The following FGF14 variants were observed in gnomAD, a reference collection of about 807,000 sequenced individuals.
FGF14 encodes the protein fibroblast growth factor 14, also known as fibroblast growth factor homologous factor 4.
Under a neutral mutation model 25.5 loss-of-function variants are expected in FGF14, and 5 were observed. The ratio of observed to expected loss-of-function variants is 0.20; its 90% CI spans 0.10 to 0.41. The LOEUF is 0.41. Among genes scored for constraint, FGF14 ranks in the 10% least tolerant of loss-of-function variants. The pLI is 1.00. For missense variants in FGF14, 222 were observed against 320.1 expected, an observed-to-expected ratio of 0.69 and a Z score of 2.34; for synonymous variants, 138 against 118.3, an observed-to-expected ratio of 1.17 and a Z score of -1.08.
At chr13:102,302,630 C>T (rs1245323815) in intron 1 of FGF14, among the ~76,000 whole-genome samples, 1 of 152,162 alleles carries the variant, frequency 6.6e-6, no homozygotes, top group Non-Finnish European at 1.5e-5. Flanking sequence ...TGAACCCAGA[C>T]ATTTGCTCCC....
chr13:101,965,948 T>C (rs1042910701), intron 1 of FGF14, among the ~76,000 whole-genome samples: 2 of 152,138 alleles, frequency 1.3e-5, no homozygotes, highest in Admixed American at 1.3e-4. Flanking sequence ...TTATAAGAAG[T>C]CAGCCAGATG....
intron 1 of FGF14, among the ~76,000 whole-genome samples, chr13:101,926,819 C>A (rs1347491623): frequency 6.6e-6 from 1 of 152,082 alleles, no homozygotes; most frequent in African/African-American, 2.4e-5. Flanking sequence ...TTGGTCTTTC[C>A]TTTTAGAAAT....
At chr13:102,025,628 T>G (rs1244680645) in intron 1 of FGF14, among the ~76,000 whole-genome samples, 1 of 151,978 alleles carries the variant, frequency 6.6e-6, no homozygotes, top group Non-Finnish European at 1.5e-5. Context: ...AGGCTGGTCT[T>G]GAACTTCTGA....
chr13:102,237,716 G>GA, intron 1 of FGF14, among the ~76,000 whole-genome samples: 1 of 152,092 alleles, frequency 6.6e-6, no homozygotes, highest in Non-Finnish European at 1.5e-5. Context: ...GCCTTTCAAG[G>GA]AAAAATATGT....
At chr13:101,873,095 T>A (rs1289590790) in intron 2 of FGF14, among the ~76,000 whole-genome samples, 1 of 152,054 alleles carries the variant, frequency 6.6e-6, no homozygotes, top group Non-Finnish European at 1.5e-5. Context: ...AGCTTTCCAG[T>A]TTAGTCTTTA....
chr13:102,326,672 A>AGGGAAGGGAAGGGAG (rs2056438877), intron 1 of FGF14, among the ~76,000 whole-genome samples: 1 of 60,250 alleles, frequency 1.7e-5, no homozygotes, highest in Admixed American at 2.0e-4. Context: ...AGGGAGGGGA[A>AGGGAAGGGAAGGGAG]GGGAAGGGAA....
At chr13:102,365,418 G>C (rs1261853914) in intron 1 of FGF14, among the ~76,000 whole-genome samples, 1 of 152,086 alleles carries the variant, frequency 6.6e-6, no homozygotes, top group Non-Finnish European at 1.5e-5. Context: ...AGAATTCTTT[G>C]AGCCGGTTTC....
At chr13:101,844,348 C>T (rs935532185) in intron 3 of FGF14, among the ~76,000 whole-genome samples, 16 of 152,020 alleles carry the variant, frequency 1.1e-4, no homozygotes, top group African/African-American at 3.9e-4. Context: ...AGACACCATT[C>T]CTTGAAACTG....
chr13:101,960,777 T>C (rs1211222038), intron 1 of FGF14, among the ~76,000 whole-genome samples: 1 of 152,192 alleles, frequency 6.6e-6, no homozygotes, highest in Non-Finnish European at 1.5e-5. Flanking sequence ...CACTGTCTTC[T>C]ACAATGGTTG....
intron 1 of FGF14, among the ~76,000 whole-genome samples, chr13:102,160,150 T>G (rs1033965874): frequency 1.3e-5 from 2 of 152,110 alleles, no homozygotes; most frequent in African/African-American, 4.8e-5. Flanking sequence ...TAAGGGTACG[T>G]TTTTGGTTCT....
chr13:102,390,733 AGTT>A (rs759092708), intron 1 of FGF14, among the ~76,000 whole-genome samples: 4 of 152,350 alleles, frequency 2.6e-5, no homozygotes, highest in African/African-American at 2.4e-5. Context: ...TCTAAAGATT[AGTT>A]GTTATCAACT....
chr13:102,000,621 A>G (rs1431621471), intron 1 of FGF14, among the ~76,000 whole-genome samples: 1 of 152,198 alleles, frequency 6.6e-6, no homozygotes, highest in Non-Finnish European at 1.5e-5. Flanking sequence ...CAGCAAGGAA[A>G]TATTCTGAGC....
intron 3 of FGF14, among the ~76,000 whole-genome samples, chr13:101,827,754 C>G (rs2042459387): frequency 1.3e-5 from 2 of 151,674 alleles, no homozygotes; most frequent in African/African-American, 4.8e-5. Flanking sequence ...ATAATTACTG[C>G]TAACTTAAGT....
At chr13:101,931,814 C>A (rs1435526490) in intron 1 of FGF14, among the ~76,000 whole-genome samples, 1 of 152,160 alleles carries the variant, frequency 6.6e-6, no homozygotes, top group African/African-American at 2.4e-5. Context: ...GCGATTGACC[C>A]ATTTTAAACT....
chr13:102,161,933 T>TA (rs2047795788), intron 1 of FGF14, among the ~76,000 whole-genome samples: 1 of 152,252 alleles, frequency 6.6e-6, no homozygotes, highest in East Asian at 1.9e-4. Context: ...TTCTTTTTTT[T>TA]ATCCTAAAGG....
chr13:101,981,357 A>G (rs972630930), intron 1 of FGF14, among the ~76,000 whole-genome samples: 3 of 152,164 alleles, frequency 2.0e-5, no homozygotes, highest in Non-Finnish European at 4.4e-5. Flanking sequence ...AGAAGGTGCC[A>G]TCTACGAACC....
intron 1 of FGF14, among the ~76,000 whole-genome samples, chr13:102,106,334 G>A (rs1415646329): frequency 6.6e-6 from 1 of 152,096 alleles, no homozygotes; most frequent in East Asian, 1.9e-4. Flanking sequence ...ATTTTGGGAG[G>A]CCGAGGTGGG....
Position 101,988,019 on chromosome 13 carries a change from C to T in FGF14, c.209-112723G>A, listed in dbSNP as rs192258702. ...TGAAATACATAGAAAAATAATATTTCTTGCATAAGAAGCCATATGTAAATC... is the reference window on the plus strand; with the variant it reads ...TGAAATACATAGAAAAATAATATTTTTTGCATAAGAAGCCATATGTAAATC... On this transcript the variant is annotated intron_variant, in intron 1 of 4. Coordinates refer to the FGF14 transcript ENST00000376131. Among the ~76,000 whole-genome samples the T allele has an allele frequency of 3.5e-3, 537 of 152,116 alleles. 14 individuals carry two copies. Among genetic ancestry groups the T allele is most frequent in the Non-Finnish European group, 7.5e-4 (51 of 67,960 alleles).
intron 1 of FGF14, among the ~76,000 whole-genome samples, chr13:102,252,704 T>C (rs944682916): frequency 1.3e-5 from 2 of 152,110 alleles, no homozygotes; most frequent in African/African-American, 4.8e-5. Context: ...GTTAAATGGG[T>C]ACATGCTCAG....
Sources: gnomAD v4.1 joint callset for allele counts (sites outside exome capture counted in the v4.1 genomes callset) on GRCh38, gnomAD v4.1.1 for gene constraint, MANE v1.5 for transcripts, NCBI Gene and HGNC (gene_info 2026-07-23, HGNC 2026-07-21) for gene names.